Variants in EPS8 observed in about 807,000 individuals in gnomAD.
EPS8 encodes the protein EGFR pathway substrate 8, signaling adaptor, also known as epidermal growth factor receptor kinase substrate 8.
In EPS8, 42 loss-of-function variants were observed where a neutral mutation model predicts 103.8. The ratio of observed to expected loss-of-function variants is 0.40; its 90% CI spans 0.32 to 0.52. The LOEUF (loss-of-function observed/expected upper bound fraction) is 0.52. Among genes scored for constraint, EPS8 ranks in the 20% least tolerant of loss-of-function variants. The probability of loss-of-function intolerance (pLI) is 0.40; values close to 1 mark genes in which losing one functional copy is unlikely to be tolerated. For synonymous variants in EPS8, 344 were observed against 344.6 expected (o/e 1.00, Z 0.02); for missense variants, 969 against 1,005.1 (o/e 0.96, Z 0.49).
chr12:15,624,502 G>A, intron 18 of EPS8, 95 bp from the exon 19 acceptor site: 2 of 875,228 alleles, frequency 2.3e-6, no homozygotes, highest in Non-Finnish European at 3.5e-6. Flanking sequence ...GACCCCAGTA[G>A]GACCTACAGT....
At chr12:15,666,380 G>T in intron 7 of EPS8, 60 bp downstream of exon 7, 2 of 1,271,436 alleles carry the variant, frequency 1.6e-6, no homozygotes, top group Non-Finnish European at 2.3e-6. Flanking sequence ...CTAACTCTTT[G>T]GGGAAAAAAG....
chr12:15,780,412 TC>T lies in EPS8; in HGVS notation c.-22+8748del, dbSNP rs978870749. Among the ~76,000 whole-genome samples the T allele has an allele frequency of 1.4e-5, 2 of 145,718 alleles. No individual in the cohort carries two copies. Among genetic ancestry groups the T allele is most frequent in the African/African-American group, 2.6e-5 (1 of 39,124 alleles). On this transcript the variant is annotated intron_variant, in intron 1 of 20. Transcript: ENST00000281172. The surrounding 1 kb of genome is among the most constrained non-coding windows in gnomAD (Gnocchi z 4.1). ...ATTCTATGAGACTCAAACATCACCTTCCCCAGTAAAGACTTTTCTGACTCCC... is the reference window on the plus strand; with the variant it reads ...ATTCTATGAGACTCAAACATCACCTTCCCAGTAAAGACTTTTCTGACTCCC...
At chr12:15,683,660 T>C (rs1290272259) in intron 1 of EPS8, 2 of 152,156 alleles carry the variant, frequency 1.3e-5, no homozygotes, top group Non-Finnish European at 2.9e-5. Context: ...TCAAAAACCA[T>C]TTTTAAATCT....
intron 2 of EPS8, among the ~76,000 whole-genome samples, chr12:15,681,775 G>A (rs377443349): frequency 1.3e-5 from 2 of 150,370 alleles, no homozygotes; most frequent in South Asian, 2.1e-4. Context: ...ATGGTGGCAG[G>A]CACCTGTAAT....
rs1010170471 is a variant in EPS8 at position 15,751,094 on chromosome 12, T to C, written c.-22+38067A>G. On this transcript the variant is annotated intron_variant, in intron 1 of 20. Coordinates refer to ENST00000281172, the MANE Select transcript of EPS8 (RefSeq NM_004447.6). The surrounding 1 kb of genome is among the most constrained non-coding windows in gnomAD (Gnocchi z 4.3). ...CATTATCACCAGGCTTGGTGGCACA[T>C]GCCTGTAAATCCCAGCTCTTTGGGA... 6.6e-6 allele frequency among the ~76,000 whole-genome samples: 1 copy of C among 152,152 alleles called. No individual in the cohort carries two copies. The highest frequency in any genetic ancestry group is 2.4e-5 in the African/African-American group (1 of 41,422).
At chr12:15,625,473 C>T (rs962635136) in intron 18 of EPS8, among the ~76,000 whole-genome samples, 6 of 152,124 alleles carry the variant, frequency 3.9e-5, no homozygotes, top group South Asian at 2.1e-4. Context: ...GCAAAGTTCA[C>T]GAAAAGTTGC....
Position 15,640,820 on chromosome 12 carries a change from CCA to C in EPS8, c.1702_1703del (p.Trp568GlufsTer15). On this transcript the variant is annotated frameshift_variant, in exon 17 of 21. Coordinates refer to ENST00000281172, the MANE Select transcript of EPS8 (RefSeq NM_004447.6). LOFTEE classifies it high-confidence loss of function. ...LEILDDRKQW[W>X]KVRNASGDSG... ...AGTCTCCACTTGCATTTCGAACTTT[CCA>C]CCATTGCTTCCGATCATCAAGTATC... 2.5e-6 allele frequency: 4 copies of C among 1,613,856 alleles called. No individual in the cohort carries two copies. The highest frequency in any genetic ancestry group is 2.5e-6 in the Non-Finnish European group (3 of 1,179,866).
Position 15,760,555 on chromosome 12 carries a change from A to C in EPS8, c.-22+28606T>G, listed in dbSNP as rs939382013. Among the ~76,000 whole-genome samples the C allele has an allele frequency of 4.6e-5, 7 of 152,116 alleles. No individual in the cohort carries two copies. Among genetic ancestry groups the C allele is most frequent in the Non-Finnish European group, 8.8e-5 (6 of 67,982 alleles). On this transcript the variant is annotated intron_variant, in intron 1 of 20. Coordinates refer to ENST00000281172, the MANE Select transcript of EPS8 (RefSeq NM_004447.6). The surrounding 1 kb of genome is among the most constrained non-coding windows in gnomAD (Gnocchi z 4.5). ...TATTGATGCACAAATCCTCAAACAA[A>C]TACCAGCAAACCGAATTCAATAATA... is the stretch of plus-strand genomic sequence containing the variant.
At chr12:15,636,764 T>A (rs1945142522) in intron 17 of EPS8, among the ~76,000 whole-genome samples, 2 of 152,234 alleles carry the variant, frequency 1.3e-5, no homozygotes, top group African/African-American at 4.8e-5. Flanking sequence ...TTCCACCACT[T>A]ACAAAAATGT....
chr12:15,729,269 G>T (rs934326141), intron 1 of EPS8, among the ~76,000 whole-genome samples: 1 of 152,066 alleles, frequency 6.6e-6, no homozygotes, highest in East Asian at 1.9e-4. Flanking sequence ...CATTAATTTT[G>T]AGCTTCCAAC....
chr12:15,687,228 G>GCCT (rs1325112973), intron 1 of EPS8, among the ~76,000 whole-genome samples: 14 of 152,018 alleles, frequency 9.2e-5, no homozygotes, highest in African/African-American at 3.4e-4. Context: ...CATTGGTAAA[G>GCCT]ACGGCACCAT....
chr12:15,746,896 A>C (rs1946881453), intron 1 of EPS8, among the ~76,000 whole-genome samples: 2 of 152,282 alleles, frequency 1.3e-5, no homozygotes, highest in Middle Eastern at 6.8e-3. Context: ...GAATTATGTT[A>C]GTTACCATAG....
chr12:15,726,691 T>C (rs548613896), intron 1 of EPS8, among the ~76,000 whole-genome samples: 1 of 152,180 alleles, frequency 6.6e-6, no homozygotes, highest in Non-Finnish European at 1.5e-5. Context: ...GAAATGACAA[T>C]CTGTAGCTTT....
intron 1 of EPS8, among the ~76,000 whole-genome samples, chr12:15,788,171 G>GA (rs1199081897): frequency 6.6e-6 from 1 of 152,170 alleles, no homozygotes; most frequent in Non-Finnish European, 1.5e-5. Flanking sequence ...TCACACATCT[G>GA]AAATCAAGTT....
chr12:15,636,941 T>C (rs1475120887), intron 17 of EPS8, among the ~76,000 whole-genome samples: 1 of 152,272 alleles, frequency 6.6e-6, no homozygotes, highest in Non-Finnish European at 1.5e-5. Flanking sequence ...AAAGCTATTC[T>C]GAGAAAATAT....
rs986874041 is a variant in EPS8, at chr12:15,725,633, C to G, written c.-21-42661G>C. Among the ~76,000 whole-genome samples the G allele has an allele frequency of 6.6e-6, 1 of 152,132 alleles. No individual in the cohort carries two copies. Among genetic ancestry groups the G allele is most frequent in the African/African-American group, 2.4e-5 (1 of 41,424 alleles). On this transcript the variant is annotated intron_variant, in intron 1 of 20. Coordinates refer to ENST00000281172, the MANE Select transcript of EPS8 (RefSeq NM_004447.6). This position sits in a 1 kb window ranked among gnomAD's most constrained non-coding sequence, Gnocchi z 4.5. ...TCTTCATCATATGGTGATTCACTCA[C>G]CACCACAGTATCAACCTTGGACATT...
chr12:15,725,372 C>T lies in EPS8; in HGVS notation c.-21-42400G>A, dbSNP rs1222293607. Among the ~76,000 whole-genome samples, 2 of 150,800 alleles carry T rather than the reference C, an allele frequency of 1.3e-5. No homozygotes were observed. Among genetic ancestry groups the T allele is most frequent in the African/African-American group, 2.4e-5 (1 of 40,930 alleles). ...CTGTAATCCCAGCTACTTGGGAGGC[C>T]GAGGCAGGAGGATCACTTGAGCAGA... On this transcript the variant is annotated intron_variant, in intron 1 of 20. Coordinates refer to ENST00000281172, the MANE Select transcript of EPS8 (RefSeq NM_004447.6). The surrounding 1 kb of genome is among the most constrained non-coding windows in gnomAD (Gnocchi z 4.5).
At chr12:15,651,454 T>A (rs1351492541) in intron 13 of EPS8, among the ~76,000 whole-genome samples, 1 of 152,214 alleles carries the variant, frequency 6.6e-6, no homozygotes, top group Non-Finnish European at 1.5e-5. Context: ...ATTAGATATA[T>A]CTTTCAAAAG....
chr12:15,624,002 CA>C (rs778846562), intron 19 of EPS8, among the ~76,000 whole-genome samples: 2 of 152,168 alleles, frequency 1.3e-5, no homozygotes, highest in Non-Finnish European at 2.9e-5. Flanking sequence ...TAATAATGAA[CA>C]GATACTACCA....
Sources: gnomAD v4.1 joint callset for allele counts (sites outside exome capture counted in the v4.1 genomes callset) on GRCh38, gnomAD v4.1.1 for gene constraint, Gnocchi (gnomAD v3.1) non-coding constraint, MANE v1.5 for transcripts, NCBI Gene and HGNC (gene_info 2026-07-23, HGNC 2026-07-21) for gene names.